SLC39A11: variants seen among roughly 807,000 people sequenced by gnomAD.
SLC39A11 encodes the protein solute carrier family 39 member 11.
SLC39A11 carries 33 observed loss-of-function variants against 36.1 expected under a neutral mutation model. That is an observed-to-expected ratio of 0.91 (90% confidence interval 0.69 to 1.22). The LOEUF (loss-of-function observed/expected upper bound fraction) is 1.22, where lower values mean the gene tolerates loss of function less well. Among genes scored for constraint, SLC39A11 ranks in the 50% most tolerant of loss-of-function variants. The probability of loss-of-function intolerance (pLI) is 0.00; values close to 1 mark genes in which losing one functional copy is unlikely to be tolerated. For missense variants in SLC39A11, 432 were observed against 430.3 expected, an observed-to-expected ratio of 1.00 and a Z score of -0.03; for synonymous variants, 166 against 170.3, an observed-to-expected ratio of 0.97 and a Z score of 0.20.
intron 3 of SLC39A11, among the ~76,000 whole-genome samples, chr17:73,077,180 T>G (rs1599170249): frequency 6.6e-6 from 1 of 152,210 alleles, no homozygotes; most frequent in East Asian, 1.9e-4. Context: ...GAAACATGTA[T>G]GAGAATCCAC....
chr17:72,752,027 C>T (rs1410346926), intron 6 of SLC39A11, among the ~76,000 whole-genome samples: 5 of 152,178 alleles, frequency 3.3e-5, no homozygotes, highest in Non-Finnish European at 7.3e-5. Flanking sequence ...CAGAGCAGGA[C>T]TCACACAGTA....
chr17:73,063,358 T>A (rs1030506993), intron 3 of SLC39A11, among the ~76,000 whole-genome samples: 1 of 152,204 alleles, frequency 6.6e-6, no homozygotes, highest in African/African-American at 2.4e-5. Context: ...ACGCTGCTAA[T>A]AGAACCTCAT....
At chr17:72,772,009 T>C (rs1452543016) in intron 6 of SLC39A11, among the ~76,000 whole-genome samples, 1 of 152,190 alleles carries the variant, frequency 6.6e-6, no homozygotes, top group Non-Finnish European at 1.5e-5. Flanking sequence ...CTGTCACTTC[T>C]GCTGCCTCCC....
intron 4 of SLC39A11, among the ~76,000 whole-genome samples, chr17:72,992,633 T>C (rs1374755044): frequency 1.3e-5 from 2 of 152,228 alleles, no homozygotes; most frequent in African/African-American, 4.8e-5. Context: ...CTCTATAACG[T>C]CTTTTGTCAC....
intron 4 of SLC39A11, among the ~76,000 whole-genome samples, chr17:72,966,272 A>C (rs900095248): frequency 6.6e-6 from 1 of 152,226 alleles, no homozygotes; most frequent in Non-Finnish European, 1.5e-5. Context: ...GCAAAGGTGA[A>C]GGTTTAAACT....
intron 7 of SLC39A11, among the ~76,000 whole-genome samples, chr17:72,654,846 C>T (rs755482627): frequency 6.6e-6 from 1 of 152,210 alleles, no homozygotes; most frequent in Non-Finnish European, 1.5e-5. Context: ...AGAGGTGGGG[C>T]TCCCCATCCA....
chr17:72,856,214 G>A (rs541671197), intron 5 of SLC39A11, among the ~76,000 whole-genome samples: 8 of 152,204 alleles, frequency 5.3e-5, no homozygotes, highest in South Asian at 4.2e-4. Flanking sequence ...TCATTATGCC[G>A]CTTCTTAGCC....
At chr17:73,069,805 A>C (rs7222812) in intron 3 of SLC39A11, among the ~76,000 whole-genome samples, 1 of 152,176 alleles carries the variant, frequency 6.6e-6, no homozygotes, top group African/African-American at 2.4e-5. Context: ...ACTAAGATGC[A>C]TAAGAAAAAT....
chr17:72,738,721 GCT>G (rs1246831773), intron 6 of SLC39A11, among the ~76,000 whole-genome samples: 1 of 152,224 alleles, frequency 6.6e-6, no homozygotes, highest in Non-Finnish European at 1.5e-5. Flanking sequence ...AAGGCCAAGG[GCT>G]TTGGGGGTCA....
At chr17:72,697,936 CAGTAAA>C (rs1373806588) in intron 7 of SLC39A11, among the ~76,000 whole-genome samples, 1 of 152,226 alleles carries the variant, frequency 6.6e-6, no homozygotes, top group African/African-American at 2.4e-5. Flanking sequence ...TCCGTTATCA[CAGTAAA>C]AGCCTTGTCC....
chr17:72,668,315 A>AC (rs1567924918), intron 7 of SLC39A11, among the ~76,000 whole-genome samples: 2 of 152,096 alleles, frequency 1.3e-5, no homozygotes, highest in East Asian at 3.8e-4. Context: ...AAAAAAAAAA[A>AC]AATTCCCTAG....
intron 4 of SLC39A11, among the ~76,000 whole-genome samples, chr17:72,979,762 G>A (rs1449783107): frequency 6.6e-6 from 1 of 152,156 alleles, no homozygotes; most frequent in African/African-American, 2.4e-5. Context: ...CAGGTAGCAT[G>A]CTGGAAAACC....
intron 5 of SLC39A11, among the ~76,000 whole-genome samples, chr17:72,931,503 G>A (rs970058691): frequency 2.6e-5 from 4 of 152,098 alleles, no homozygotes; most frequent in Non-Finnish European, 4.4e-5. Flanking sequence ...CCCAGAACCC[G>A]CTCTCCGTTC....
intron 6 of SLC39A11, among the ~76,000 whole-genome samples, chr17:72,831,134 T>A (rs1431983919): frequency 6.6e-6 from 1 of 152,086 alleles, no homozygotes; most frequent in East Asian, 1.9e-4. Flanking sequence ...CAGAGATTTT[T>A]TTTTTTCTCC....
chr17:73,061,986 G>A (rs2059853118), intron 3 of SLC39A11, among the ~76,000 whole-genome samples: 1 of 151,746 alleles, frequency 6.6e-6, no homozygotes, highest in South Asian at 2.1e-4. Context: ...GTGACAGACT[G>A]AAACCCTGCC....
intron 5 of SLC39A11, among the ~76,000 whole-genome samples, chr17:72,941,958 G>A (rs777814395): frequency 1.2e-4 from 18 of 151,810 alleles, no homozygotes; most frequent in Non-Finnish European, 2.6e-4. Context: ...TCAGCTCACT[G>A]CAGCCTCTGC....
chr17:72,715,168 C>A (rs1022792477), intron 7 of SLC39A11, among the ~76,000 whole-genome samples: 6 of 152,212 alleles, frequency 3.9e-5, no homozygotes, highest in African/African-American at 1.4e-4. Context: ...CCGCGAGAGG[C>A]TCTCTCCTCC....
chr17:72,950,948 T>C lies in SLC39A11; in HGVS notation c.307-3073A>G, dbSNP rs183242631. On this transcript the variant is annotated intron_variant, in intron 4 of 9. Transcript: ENST00000255559. Reference sequence around the variant, plus strand: ...ATGCTATGAAATATTCAACAATGCATAGGACAGCCCCCACAACAGAGAATG... The same window carrying C: ...ATGCTATGAAATATTCAACAATGCACAGGACAGCCCCCACAACAGAGAATG... 8.6e-5 allele frequency among the ~76,000 whole-genome samples: 13 copies of C among 151,980 alleles called. 1 individual carries two copies. The East Asian group carries it at 2.1e-3, about 25-fold the overall frequency.
At position 72,771,536 on chromosome 17, in the gene SLC39A11, G is replaced by A. The variant is rs186994605; in HGVS notation, c.602-34817C>T. The stretch of plus-strand genomic sequence containing the variant: ...GGCTCACCTTGCAGGAGGAGAGCCT[G>A]CAGCTGAGAAGCTCCATGGTAGGAT... On this transcript the variant is annotated intron_variant, in intron 6 of 9. Transcript: ENST00000255559. Among the ~76,000 whole-genome samples, 21 of 152,122 alleles carry A rather than the reference G, an allele frequency of 1.4e-4. No individual in the cohort carries two copies. In the South Asian group the frequency reaches 1.5e-3, roughly 11 times the overall value.
Sources: allele counts gnomAD v4.1 joint callset (sites outside exome capture counted in the v4.1 genomes callset), GRCh38; gene constraint gnomAD v4.1.1; transcripts MANE v1.5; gene names NCBI Gene and HGNC (gene_info 2026-07-23, HGNC 2026-07-21).